Variants in NF2 observed in about 807,000 individuals in gnomAD.
NF2 encodes merlin.
In NF2, 8 loss-of-function variants were observed where a neutral mutation model predicts 83.7. The ratio of observed to expected loss-of-function variants is 0.10; its 90% confidence interval spans 0.06 to 0.17. NF2 has a LOEUF of 0.17. Ranked by LOEUF, NF2 falls within the 10% of genes least tolerant of loss-of-function variation. NF2 has a pLI of 1.00. For synonymous variants in NF2, 266 were observed against 269.6 expected (o/e 0.99, Z 0.13); for missense variants, 533 against 744.4 (o/e 0.72, Z 3.31).
At chr22:29,619,381 G>GT (rs1212285637) in intron 1 of NF2, among the ~76,000 whole-genome samples, 3 of 144,448 alleles carry the variant, frequency 2.1e-5, no homozygotes, top group East Asian at 2.6e-4. Flanking sequence ...TCTCCCATGG[G>GT]TTTTTTTTGT....
chr22:29,608,076 G>C (rs1327802925), intron 1 of NF2, among the ~76,000 whole-genome samples: 2 of 147,538 alleles, frequency 1.4e-5, no homozygotes, highest in Non-Finnish European at 3.0e-5. Context: ...GGGAGGCTGA[G>C]GCAGGAGAAT....
chr22:29,681,614 T>C lies in NF2; in HGVS notation c.1737+13T>C. 1 of 1,613,804 alleles carries C rather than the reference T, an allele frequency of 6.2e-7. No individual in the cohort carries two copies. Among genetic ancestry groups the C allele is most frequent in the East Asian group, 2.2e-5 (1 of 44,888 alleles). ...TACCATTAAAAAGGTACCCAGGGTC[T>C]CTTTCTTGTATTTTGCTGATCAGGA... On this transcript the variant is annotated intron_variant, in intron 15 of 15. Transcript: ENST00000338641.
intron 8 of NF2, among the ~76,000 whole-genome samples, chr22:29,662,311 G>A (rs2066502429): frequency 6.6e-6 from 1 of 152,008 alleles, no homozygotes; most frequent in African/African-American, 2.4e-5. Context: ...TTTTTGTAGA[G>A]ATGGGGTTTT....
chr22:29,652,031 C>T (rs1051131479), intron 4 of NF2, among the ~76,000 whole-genome samples: 2 of 152,080 alleles, frequency 1.3e-5, no homozygotes, highest in African/African-American at 4.8e-5. Context: ...ATGTGCTGTG[C>T]GAAATGCTTA....
chr22:29,688,274 C>T (rs1457235516), intron 15 of NF2, among the ~76,000 whole-genome samples: 1 of 152,186 alleles, frequency 6.6e-6, no homozygotes. Context: ...TTATTTGAGG[C>T]AGTAAAACAC....
intron 4 of NF2, among the ~76,000 whole-genome samples, chr22:29,647,299 C>T (rs1470908971): frequency 6.6e-6 from 1 of 152,126 alleles, no homozygotes; most frequent in Non-Finnish European, 1.5e-5. Flanking sequence ...TAATGCAAAT[C>T]AGGGACAGAG....
At chr22:29,607,402 C>T (rs2064826434) in intron 1 of NF2, among the ~76,000 whole-genome samples, 1 of 152,122 alleles carries the variant, frequency 6.6e-6, no homozygotes, top group Admixed American at 6.5e-5. Flanking sequence ...ACTGTCATCC[C>T]AGGGTGACTG....
chr22:29,631,375 C>T (rs1185349289), intron 1 of NF2, among the ~76,000 whole-genome samples: 1 of 152,148 alleles, frequency 6.6e-6, no homozygotes, highest in Non-Finnish European at 1.5e-5. Context: ...CCCGGAGACC[C>T]AGGCCCGAGT....
chr22:29,683,957 C>T (rs943010320), intron 15 of NF2: 23 of 1,017,708 alleles, frequency 2.3e-5, no homozygotes, highest in Non-Finnish European at 2.7e-5. Flanking sequence ...CAACAAGCCC[C>T]ACACCACCTG....
chr22:29,672,943 C>CA (rs972415866), intron 11 of NF2, among the ~76,000 whole-genome samples: 1 of 152,108 alleles, frequency 6.6e-6, no homozygotes, highest in African/African-American at 2.4e-5. Flanking sequence ...TTGCAGGGGA[C>CA]AAAAAACTCC....
intron 6 of NF2, 129 bp downstream of exon 6, chr22:29,655,805 G>A (rs1032060412): frequency 1.3e-6 from 1 of 747,222 alleles, no homozygotes; most frequent in African/African-American, 1.8e-5. Context: ...AAAGAAAAGG[G>A]GAGAGCTGGG....
At chr22:29,614,144 A>C (rs1048356191) in intron 1 of NF2, among the ~76,000 whole-genome samples, 6 of 151,270 alleles carry the variant, frequency 4.0e-5, no homozygotes, top group African/African-American at 1.5e-4. Flanking sequence ...CTCACACTAC[A>C]TACAAAAATT....
rs148076331 is a variant in NF2, at chr22:29,658,313, T to C, written c.675+49T>C. ...CCTTGTGTAGTAGACAGAGACTGAGTGAGGGCCAGACTGCTAAAATGGTTA... is the reference window on the plus strand; with the variant it reads ...CCTTGTGTAGTAGACAGAGACTGAGCGAGGGCCAGACTGCTAAAATGGTTA... On this transcript the variant is annotated intron_variant, in intron 7 of 15. Transcript: ENST00000338641. 1,518 of 1,499,272 alleles carry C rather than the reference T, an allele frequency of 1.0e-3. 19 individuals carry two copies. The East Asian group carries it at 0.027, about 26-fold the overall frequency. 92.9% of individuals were successfully genotyped at this position (1,499,272 alleles called of 1,614,324 possible). A position where few individuals can be genotyped will look rare whatever the true frequency, so the allele number is the denominator to read the frequency against.
intron 13 of NF2, among the ~76,000 whole-genome samples, chr22:29,675,728 C>T (rs975848903): frequency 6.6e-6 from 1 of 152,090 alleles, no homozygotes; most frequent in African/African-American, 2.4e-5. Context: ...CAGACTCACA[C>T]ACAGCACAGT....
intron 15 of NF2, among the ~76,000 whole-genome samples, chr22:29,690,673 C>T (rs758888606): frequency 6.6e-6 from 1 of 152,212 alleles, no homozygotes; most frequent in Non-Finnish European, 1.5e-5. Flanking sequence ...CTTGAGCAGC[C>T]GGTTCAGTCG....
intron 10 of NF2, among the ~76,000 whole-genome samples, chr22:29,669,470 A>C (rs183471725): frequency 6.6e-6 from 1 of 152,216 alleles, no homozygotes. Context: ...TTGCACCACT[A>C]CATTCCAGCC....
intron 1 of NF2, among the ~76,000 whole-genome samples, chr22:29,610,643 C>CAA (rs547702227): frequency 1.0e-5 from 1 of 95,568 alleles, no homozygotes. Context: ...GACTCCATCT[C>CAA]AAAAAAAAAA....
intron 1 of NF2, among the ~76,000 whole-genome samples, chr22:29,610,878 A>G (rs576508259): frequency 6.6e-6 from 1 of 152,308 alleles, no homozygotes; most frequent in South Asian, 2.1e-4. Flanking sequence ...AAAGAAAACC[A>G]TAGACAAATA....
In NF2 at chr22:29,678,568, CT is replaced by C. The variant is rs2044317236; in HGVS notation, c.1574+246del. On this transcript the variant is annotated intron_variant, in intron 14 of 15. Transcript: ENST00000338641. ...TATCCAGGATAAAAATAACACTTGA[CT>C]GGTGAGCTGGAGTTTTTGGTGGCTC... Among the ~76,000 whole-genome samples, 3 of 152,202 alleles carry C rather than the reference CT, an allele frequency of 2.0e-5. No individual in the cohort carries two copies. The South Asian group carries it at 6.2e-4, about 31-fold the overall frequency.
Sources: gnomAD v4.1 joint callset for allele counts (sites outside exome capture counted in the v4.1 genomes callset) on GRCh38, gnomAD v4.1.1 for gene constraint, MANE v1.5 for transcripts, NCBI Gene and HGNC (gene_info 2026-07-23, HGNC 2026-07-21) for gene names.